The following CBR4 variants were observed in gnomAD, a reference collection of about 807,000 sequenced individuals.
CBR4 encodes carbonyl reductase 4.
CBR4 carries 22 observed loss-of-function variants against 21.0 expected under a neutral mutation model. That is an observed-to-expected ratio of 1.05 (90% CI 0.75 to 1.50). The LOEUF is 1.50. Ranked by LOEUF, CBR4 falls within the 40% of genes most tolerant of loss-of-function variation. The pLI, the probability that CBR4 is intolerant of heterozygous loss-of-function variation, is 0.00. For missense variants in CBR4, 302 were observed against 286.3 expected (o/e 1.05, Z -0.40); for synonymous variants, 100 against 104.4 (o/e 0.96, Z 0.26).
chr4:168,949,752 T>C lies in CBR4; in HGVS notation n.169+52319A>G, dbSNP rs185378039. Among the ~76,000 whole-genome samples the C allele has an allele frequency of 5.1e-3, 781 of 151,950 alleles. 3 individuals are homozygous for C. The highest frequency in any genetic ancestry group is 8.3e-3 in the Non-Finnish European group (563 of 67,880). On this transcript the variant is annotated intron_variant and non_coding_transcript_variant, in intron 2 of 3. Transcript: ENST00000509108. ...GCTGTGAATCTGTCTGGTCCTGGAC[T>C]TTTTTTTGTTAATTTTTAAATTACC...
intron 2 of CBR4, chr4:168,898,254 T>C (rs1304442490): frequency 3.7e-6 from 2 of 544,642 alleles, no homozygotes; most frequent in East Asian, 6.3e-5. Flanking sequence ...GAAAAAAAAA[T>C]TCATCTTTCC....
intron 2 of CBR4, chr4:168,924,254 G>A: frequency 6.2e-7 from 1 of 1,613,378 alleles, no homozygotes; most frequent in Non-Finnish European, 8.5e-7. Context: ...TGTTTTCTTA[G>A]CTAAAGAAGC....
At chr4:168,924,789 C>T (rs1041155713) in intron 2 of CBR4, among the ~76,000 whole-genome samples, 1 of 152,208 alleles carries the variant, frequency 6.6e-6, no homozygotes, top group African/African-American at 2.4e-5. Flanking sequence ...CTCCCATTAA[C>T]TTTAATGGAG....
rs1762601738 is a variant in CBR4, at chr4:168,926,523, TCTTA to T, written n.170-31762_170-31759del. On this transcript the variant is annotated intron_variant and non_coding_transcript_variant, in intron 2 of 3. Transcript: ENST00000509108. ...AAAAAAAACACCAAAATAATATTTT[TCTTA>T]CTTGATATACCAAACTTAGTTTAAG... is the stretch of plus-strand genomic sequence containing the variant. 8 of 634,838 alleles carry T rather than the reference TCTTA, an allele frequency of 1.3e-5. No homozygotes were observed. In the Middle Eastern group the frequency reaches 1.1e-3, roughly 87 times the overall value. The allele number at this position is 634,838 out of a possible 1,614,324, so 39.3% of individuals were successfully genotyped here.
chr4:168,974,112 G>T (rs1477932483), intron 2 of CBR4, among the ~76,000 whole-genome samples: 1 of 152,056 alleles, frequency 6.6e-6, no homozygotes, highest in East Asian at 1.9e-4. Context: ...TGTAATGCTG[G>T]CTTGGTAGTG....
chr4:168,937,428 A>G (rs1763143647), intron 2 of CBR4, among the ~76,000 whole-genome samples: 1 of 152,192 alleles, frequency 6.6e-6, no homozygotes, highest in Non-Finnish European at 1.5e-5. Flanking sequence ...ACCAGCTAGC[A>G]TCATAATGAC....
At position 168,903,762 on chromosome 4, in the gene CBR4, T is replaced by C. The variant is rs1377881127; in HGVS notation, n.170-8997A>G. ...ATCTTTGTTTCTATTCACAGATCTA[T>C]TGGTTTAAAGATGGGAAGCAGATCT... On this transcript the variant is annotated intron_variant and non_coding_transcript_variant, in intron 2 of 3. Coordinates refer to the CBR4 transcript ENST00000509108. The C allele has an allele frequency of 1.2e-6, 2 of 1,610,552 alleles. No homozygotes were observed. The highest frequency in any genetic ancestry group is 2.2e-5 in the East Asian group (1 of 44,846).
chr4:168,985,356 C>T (rs902385810), downstream of CBR4, among the ~76,000 whole-genome samples: 3 of 152,054 alleles, frequency 2.0e-5, no homozygotes, highest in Non-Finnish European at 2.9e-5. Context: ...TCTCACGCCA[C>T]TCAGATTGGC....
intron 2 of CBR4, among the ~76,000 whole-genome samples, chr4:168,979,950 T>C (rs1764492623): frequency 6.6e-6 from 1 of 152,100 alleles, no homozygotes; most frequent in Non-Finnish European, 1.5e-5. Context: ...GGCTAGTCTG[T>C]CTTCCCTGTG....
rs542015336 is a variant in CBR4 at position 169,007,830 on chromosome 4, T to C, written c.143-74A>G. On this transcript the variant is annotated intron_variant, in intron 1 of 4. Transcript: ENST00000306193. ...TTACTCAATACACATTTGTTAAGCA[T>C]CTATCTAAGATGGCAGGCCTGTGCT... 36 of 1,118,824 alleles carry C rather than the reference T, an allele frequency of 3.2e-5. No individual in the cohort carries two copies. The South Asian group carries it at 4.9e-4, about 15-fold the overall frequency. 69.3% of individuals were successfully genotyped at this position (1,118,824 alleles called of 1,614,324 possible). A position where few individuals can be genotyped will look rare whatever the true frequency, so the allele number is the denominator to read the frequency against.
rs554941449 is a variant in CBR4 at position 168,953,390 on chromosome 4, G to A, written n.169+48681C>T. On this transcript the variant is annotated intron_variant and non_coding_transcript_variant, in intron 2 of 3. Transcript: ENST00000509108. Reference sequence around the variant, plus strand: ...TCCAGAGGTAAACAGTAGATTTAGAGGCTTAATAAAACCTACATTCACTCT... The same window carrying A: ...TCCAGAGGTAAACAGTAGATTTAGAAGCTTAATAAAACCTACATTCACTCT... 2.6e-5 allele frequency among the ~76,000 whole-genome samples: 4 copies of A among 152,230 alleles called. No individual in the cohort carries two copies. The South Asian group carries it at 6.2e-4, about 24-fold the overall frequency.
intron 2 of CBR4, among the ~76,000 whole-genome samples, chr4:168,913,190 G>A (rs1759376052): frequency 6.7e-6 from 1 of 148,696 alleles, no homozygotes; most frequent in South Asian, 2.1e-4. Flanking sequence ...AGGCTGGAGT[G>A]CAGTGGCACC....
At position 168,915,860 on chromosome 4, in the gene CBR4, T is replaced by C. The variant is rs1287033157; in HGVS notation, n.170-21095A>G. On this transcript the variant is annotated intron_variant and non_coding_transcript_variant, in intron 2 of 3. Transcript: ENST00000509108. ...AAAGTCTGGAAGTAACTACTATCTA[T>C]ATTTCTATCTATCTGTCATCTTTCT... 5.7e-6 allele frequency: 9 copies of C among 1,575,992 alleles called. No homozygotes were observed. The South Asian group carries it at 1.0e-4, about 17-fold the overall frequency.
In CBR4 at chr4:168,945,995, ATTAGTTGAT is replaced by A. The variant is rs1763386461; in HGVS notation, n.170-51239_170-51231del. Among the ~76,000 whole-genome samples the A allele has an allele frequency of 2.0e-5, 3 of 152,190 alleles. No homozygotes were observed. In the South Asian group the frequency reaches 6.2e-4, roughly 32 times the overall value. ...GACAGAATTCCTAAAAGACAATAAA[ATTAGTTGAT>A]TTTGGTACTTCTGCAAGTCAACAGA... is the stretch of plus-strand genomic sequence containing the variant. On this transcript the variant is annotated intron_variant and non_coding_transcript_variant, in intron 2 of 3. Transcript: ENST00000509108.
chr4:168,935,101 G>C (rs1409209835), intron 2 of CBR4, among the ~76,000 whole-genome samples: 1 of 152,196 alleles, frequency 6.6e-6, no homozygotes, highest in Non-Finnish European at 1.5e-5. Context: ...GGACTGGTTA[G>C]ATAGTGGGTG....
At chr4:168,956,533 G>T (rs1763689410) in intron 2 of CBR4, among the ~76,000 whole-genome samples, 1 of 143,410 alleles carries the variant, frequency 7.0e-6, no homozygotes, top group African/African-American at 2.6e-5. Context: ...AGGAGGCAGA[G>T]GTTGTAGTGA....
intron 2 of CBR4, among the ~76,000 whole-genome samples, chr4:168,967,559 G>C (rs1764080688): frequency 6.6e-6 from 1 of 152,128 alleles, no homozygotes; most frequent in Non-Finnish European, 1.5e-5. Flanking sequence ...ATGGACCTTG[G>C]AAAACAACCA....
chr4:168,952,668 G>T (rs1039991140), intron 2 of CBR4, among the ~76,000 whole-genome samples: 1 of 152,148 alleles, frequency 6.6e-6, no homozygotes, highest in Non-Finnish European at 1.5e-5. Flanking sequence ...GAGCCGAGCT[G>T]CAGTGATTGT....
intron 2 of CBR4, chr4:168,927,967 T>TTC (rs1762768498): frequency 1.5e-5 from 3 of 196,340 alleles, no homozygotes; most frequent in East Asian, 1.6e-4. Flanking sequence ...ATACGTAGTA[T>TTC]TTTTTAAAAT....
Sources: gnomAD v4.1 joint callset for allele counts (sites outside exome capture counted in the v4.1 genomes callset) on GRCh38, gnomAD v4.1.1 for gene constraint, MANE v1.5 for transcripts, NCBI Gene and HGNC (gene_info 2026-07-23, HGNC 2026-07-21) for gene names.